The following SLC38A1 variants were observed in gnomAD, a reference collection of about 807,000 sequenced individuals.
SLC38A1 encodes the protein sodium-coupled neutral amino acid symporter 1.
In SLC38A1, 18 loss-of-function variants were observed where a neutral mutation model predicts 60.3. That is an observed-to-expected ratio of 0.30 (90% confidence interval 0.21 to 0.44). The LOEUF is 0.44. Among genes scored for constraint, SLC38A1 ranks in the 20% least tolerant of loss-of-function variants. The pLI is 1.00. For synonymous variants in SLC38A1, 196 were observed against 212.1 expected, an observed-to-expected ratio of 0.92 and a Z score of 0.66; for missense variants, 448 against 587.2, an observed-to-expected ratio of 0.76 and a Z score of 2.45.
intron 16 of SLC38A1, among the ~76,000 whole-genome samples, chr12:46,197,211 C>T (rs1325433330): frequency 2.0e-5 from 3 of 152,218 alleles, no homozygotes; most frequent in Admixed American, 6.5e-5. Context: ...ACCAGAGGGC[C>T]GGGCGCGATG....
intron 13 of SLC38A1, among the ~76,000 whole-genome samples, 168 bp from the exon 14 acceptor site, chr12:46,198,911 T>TG (rs933545261): frequency 2.0e-5 from 3 of 152,320 alleles, no homozygotes; most frequent in African/African-American, 7.2e-5. Context: ...ATGTAAGACA[T>TG]GCTCCACTGT....
At chr12:46,217,735 A>G (rs1334759740) in intron 5 of SLC38A1, among the ~76,000 whole-genome samples, 1 of 152,224 alleles carries the variant, frequency 6.6e-6, no homozygotes, top group Non-Finnish European at 1.5e-5. Context: ...TGAGGGTCAG[A>G]AGACCAGCAC....
chr12:46,188,859 T>C lies in SLC38A1; in HGVS notation c.*111A>G. On this transcript the variant is annotated 3_prime_UTR_variant, in exon 17 of 17. Transcript: ENST00000398637. ...AAAAGTTATTCCATTTTAAGTATCC[T>C]GTACATTTCTGTTTGCTTCTGTAAA... 1 of 861,568 alleles carries C rather than the reference T, an allele frequency of 1.2e-6. No homozygotes were observed. The highest frequency in any genetic ancestry group is 1.5e-5 in the South Asian group (1 of 66,450). 53.4% of individuals were successfully genotyped at this position (861,568 alleles called of 1,614,324 possible).
intron 1 of SLC38A1, among the ~76,000 whole-genome samples, chr12:46,256,405 C>A (rs1002714521): frequency 2.6e-5 from 4 of 151,854 alleles, no homozygotes; most frequent in African/African-American, 4.8e-5. Flanking sequence ...AATTAAAATT[C>A]TTTTATATTA....
rs898221621 is a variant in SLC38A1, at chr12:46,258,114, C to T, written c.-209+10412G>A. On this transcript the variant is annotated intron_variant, in intron 1 of 16. Coordinates refer to ENST00000398637, the MANE Select transcript of SLC38A1 (RefSeq NM_030674.4). ...GCTGGTGGGAGTGTAGCAGTGAGGA[C>T]GACCAGAGGTCACTCTCATCATCAT... Among the ~76,000 whole-genome samples, 5 of 152,158 alleles carry T rather than the reference C, an allele frequency of 3.3e-5. No homozygotes were observed. The South Asian group carries it at 8.3e-4, about 25-fold the overall frequency.
chr12:46,197,627 G>A (rs999274117), intron 16 of SLC38A1, 93 bp downstream of exon 16: 1 of 830,892 alleles, frequency 1.2e-6, no homozygotes, highest in African/African-American at 1.7e-5. Flanking sequence ...CAAGGCAACT[G>A]AAAGTAGTCT....
intron 1 of SLC38A1, among the ~76,000 whole-genome samples, chr12:46,245,801 T>C (rs561797884): frequency 6.6e-6 from 1 of 152,262 alleles, no homozygotes; most frequent in Admixed American, 6.5e-5. Context: ...AGAACAGATA[T>C]TGTAAAAGAA....
At chr12:46,219,916 G>C (rs1940584859) in intron 5 of SLC38A1, among the ~76,000 whole-genome samples, 3 of 152,254 alleles carry the variant, frequency 2.0e-5, no homozygotes, top group African/African-American at 7.2e-5. Flanking sequence ...ATAGGACTGA[G>C]TGAACTCAGG....
At chr12:46,205,621 C>T (rs1939861824) in intron 9 of SLC38A1, among the ~76,000 whole-genome samples, 1 of 152,104 alleles carries the variant, frequency 6.6e-6, no homozygotes, top group Non-Finnish European at 1.5e-5. Context: ...TTTCTCTCTC[C>T]CACTTCGAAG....
chr12:46,267,824 T>C (rs1292516705), intron 1 of SLC38A1: 1 of 152,216 alleles, frequency 6.6e-6, no homozygotes, highest in Non-Finnish European at 1.5e-5. Flanking sequence ...ACATCCCGGC[T>C]CTCGAAAAAA....
rs1941802451 is a variant in SLC38A1 at position 46,250,612 on chromosome 12, C to T, written c.-208-7298G>A. Among the ~76,000 whole-genome samples the T allele has an allele frequency of 2.6e-5, 4 of 152,184 alleles. No homozygotes were observed. In the South Asian group the frequency reaches 8.3e-4, roughly 32 times the overall value. ...CCCCTTCATCTTAGCCCAAAATCTC[C>T]TTAAGCTGATAAGCAACTTCAGCAA... On this transcript the variant is annotated intron_variant, in intron 1 of 16. Transcript: ENST00000398637.
chr12:46,231,793 C>T (rs1941086166), intron 3 of SLC38A1, among the ~76,000 whole-genome samples: 1 of 152,202 alleles, frequency 6.6e-6, no homozygotes, highest in Non-Finnish European at 1.5e-5. Context: ...GTATGCACCA[C>T]CACGCCCAGC....
rs200458440 is a variant in SLC38A1, at chr12:46,256,638, G to C, written c.-209+11888C>G. ...GCACACACACACACACACACACACA[G>C]AGAGAGAGAGAGAGAGAGAGAGACC... On this transcript the variant is annotated intron_variant, in intron 1 of 16. Coordinates refer to ENST00000398637, the MANE Select transcript of SLC38A1 (RefSeq NM_030674.4). Among the ~76,000 whole-genome samples, 168 of 115,046 alleles carry C rather than the reference G, an allele frequency of 1.5e-3. 2 individuals are homozygous for C. The Middle Eastern group carries it at 0.021, about 14-fold the overall frequency. The allele number at this position is 115,046 out of a possible 152,430, so 75.5% of individuals were successfully genotyped here.
intron 12 of SLC38A1, 35 bp downstream of exon 12, chr12:46,202,975 A>G: frequency 6.5e-7 from 1 of 1,547,212 alleles, no homozygotes; most frequent in Non-Finnish European, 8.9e-7. Context: ...GGGGATGTAA[A>G]ACGATTAAGA....
rs565949915 is a variant in SLC38A1 at position 46,185,736 on chromosome 12, T to C, written c.*3234A>G. 6.6e-6 allele frequency: 1 copy of C among 152,190 alleles called. No homozygotes were observed. Among genetic ancestry groups the C allele is most frequent in the African/African-American group, 2.4e-5 (1 of 41,502 alleles). The allele number at this position is 152,190 out of a possible 1,614,324, so 9.4% of individuals were successfully genotyped here. A position where few individuals can be genotyped will look rare whatever the true frequency, so the allele number is the denominator to read the frequency against. On this transcript the variant is annotated 3_prime_UTR_variant, in exon 17 of 17. Coordinates refer to ENST00000398637, the MANE Select transcript of SLC38A1 (RefSeq NM_030674.4). The stretch of plus-strand genomic sequence containing the variant: ...CAGCAGAGTTACCAGCTGAGGGATG[T>C]CCCTGGAGGTTTCTGACCCATGAGA...
At chr12:46,196,146 C>T (rs192404715) in intron 16 of SLC38A1, 2 of 1,535,916 alleles carry the variant, frequency 1.3e-6, no homozygotes, top group East Asian at 4.9e-5. Context: ...ATTACTAAAT[C>T]CAGAATCCAG....
At chr12:46,218,131 A>G (rs189063102) in intron 5 of SLC38A1, among the ~76,000 whole-genome samples, 131 of 152,336 alleles carry the variant, frequency 8.6e-4, no homozygotes, top group Non-Finnish European at 1.6e-3. Context: ...TGTACCAGTG[A>G]GAAAGAGCGC....
rs562199622 is a variant in SLC38A1 at position 46,183,129 on chromosome 12, C to A, written c.*5841G>T. The A allele has an allele frequency of 6.6e-6, 1 of 152,310 alleles. No homozygotes were observed. The highest frequency in any genetic ancestry group is 2.4e-5 in the African/African-American group (1 of 41,430). 9.4% of individuals were successfully genotyped at this position (152,310 alleles called of 1,614,324 possible). On this transcript the variant is annotated 3_prime_UTR_variant, in exon 17 of 17. Transcript: ENST00000398637. ...ACAGAGCAGTTATAGAACAGAACTT[C>A]TTATATTTCTTTATTTACACCACAC...
At chr12:46,230,752 T>A (rs1269891689) in intron 3 of SLC38A1, among the ~76,000 whole-genome samples, 1 of 152,194 alleles carries the variant, frequency 6.6e-6, no homozygotes, top group Non-Finnish European at 1.5e-5. Context: ...ATTTCTAATT[T>A]AAAAAAATTA....
Sources: allele counts gnomAD v4.1 joint callset (sites outside exome capture counted in the v4.1 genomes callset), GRCh38; gene constraint gnomAD v4.1.1; transcripts MANE v1.5; gene names NCBI Gene and HGNC (gene_info 2026-07-23, HGNC 2026-07-21).